The following RHOBTB2 variants were observed in gnomAD, a reference collection of about 807,000 sequenced individuals.
RHOBTB2 encodes Rho related BTB domain containing 2, also known as rho-related BTB domain-containing protein 2.
Under a neutral mutation model 66.5 loss-of-function variants are expected in RHOBTB2, and 39 were observed. The observed-to-expected ratio is 0.59, with a 90% CI of 0.45 to 0.77. The LOEUF (loss-of-function observed/expected upper bound fraction) is 0.77. Among genes scored for constraint, RHOBTB2 ranks in the 30% least tolerant of loss-of-function variants. The pLI is 0.00. For missense variants in RHOBTB2, 755 were observed against 999.1 expected (o/e 0.76, Z 3.29); for synonymous variants, 390 against 395.0 (o/e 0.99, Z 0.15).
chr8:22,966,665 G>A, the RHOBTB2 span, among the ~76,000 whole-genome samples: 1 of 151,866 alleles, frequency 6.6e-6, no homozygotes, highest in Non-Finnish European at 1.5e-5. Context: ...CAACAACAAT[G>A]CTCAATATTA....
chr8:23,010,339 C>A (rs938015321), intron 6 of RHOBTB2, among the ~76,000 whole-genome samples, 199 bp from the exon 7 acceptor site: 1 of 152,162 alleles, frequency 6.6e-6, no homozygotes, highest in Non-Finnish European at 1.5e-5. Flanking sequence ...TGTCAGCAAA[C>A]TGGGGCTCAG....
chr8:23,009,516 G>A (rs1190109370), intron 6 of RHOBTB2, among the ~76,000 whole-genome samples: 1 of 152,164 alleles, frequency 6.6e-6, no homozygotes, highest in East Asian at 1.9e-4. Context: ...AGTTCTGAAC[G>A]TCCACACCGT....
chr8:23,017,209 C>A lies in RHOBTB2; in HGVS notation c.1967-43C>A. The A allele has an allele frequency of 6.2e-7, 1 of 1,609,136 alleles. No homozygotes were observed. The highest frequency in any genetic ancestry group is 8.5e-7 in the Non-Finnish European group (1 of 1,176,852). On this transcript the variant is annotated intron_variant, in intron 9 of 9. Transcript: ENST00000251822. This position sits in a 1 kb window ranked among gnomAD's most constrained non-coding sequence, Gnocchi z 5.3. ...GCTGGTGTCCCACGTTCCTCTTGTC[C>A]CTCTGCCTCCTTTCTAACCAAGCTG...
chr8:23,010,325 G>C (rs533755143), intron 6 of RHOBTB2, among the ~76,000 whole-genome samples: 2 of 152,292 alleles, frequency 1.3e-5, no homozygotes, highest in East Asian at 3.9e-4. Context: ...CTGTACTCTG[G>C]TGCTGTCAGC....
the RHOBTB2 span, among the ~76,000 whole-genome samples, chr8:22,956,470 C>T: frequency 3.3e-5 from 5 of 152,068 alleles, no homozygotes; most frequent in Non-Finnish European, 7.4e-5. Context: ...GCCCCTCCCC[C>T]TCCTCCTCCT....
At chr8:23,014,805 A>G in intron 8 of RHOBTB2, 27 bp downstream of exon 8, 1 of 1,579,696 alleles carries the variant, frequency 6.3e-7, no homozygotes, top group Non-Finnish European at 8.7e-7. Context: ...GGGAATCTAC[A>G]ACAGTCTCAG....
rs1322253573 is a variant in RHOBTB2 at position 23,016,843 on chromosome 8, G to A, written c.1967-409G>A. ...CCAGCCGTTCCTCTGGTCTGCTGCT[G>A]TGTCCTGCTGTGTCCTGACTCCGTA... On this transcript the variant is annotated intron_variant, in intron 9 of 9. Transcript: ENST00000251822. 3.9e-5 allele frequency among the ~76,000 whole-genome samples: 6 copies of A among 152,248 alleles called. No individual in the cohort carries two copies. In the East Asian group the frequency reaches 9.6e-4, roughly 24 times the overall value.
Position 23,007,337 on chromosome 8 carries a change from T to G in RHOBTB2, c.1092T>G (p.Ala364=), listed in dbSNP as rs1385559899. 1 of 1,613,622 alleles carries G rather than the reference T, an allele frequency of 6.2e-7. No individual in the cohort carries two copies. The highest frequency in any genetic ancestry group is 1.3e-5 in the African/African-American group (1 of 75,046). The change falls in exon 5 of 10, where the codon GCT becomes GCG. Residue 364 remains alanine, a synonymous_variant. Coordinates refer to ENST00000251822, the MANE Select transcript of RHOBTB2 (RefSeq NM_015178.3). The part of the protein sequence containing the change: ...AGGSGPAGLR[A]STSDGILRGN... ...GCTCCGGTCCTGCTGGCCTCCGTGC[T>G]TCCACCAGCGACGGGATCTTACGGG...
At position 22,989,267 on chromosome 8, in the gene RHOBTB2, C is replaced by T. The variant is rs527771974; in HGVS notation, c.-137+1704C>T. Among the ~76,000 whole-genome samples, 11 of 152,260 alleles carry T rather than the reference C, an allele frequency of 7.2e-5. No homozygotes were observed. The East Asian group carries it at 9.7e-4, about 13-fold the overall frequency. On this transcript the variant is annotated intron_variant, in intron 1 of 11. Transcript: ENST00000519685. ...GGTTCAAGCAATTCTCCTGCCTCAG[C>T]CTCCCAAGTAGCTGGGATTACAGGT...
chr8:23,004,675 C>T lies in RHOBTB2; in HGVS notation c.192+49C>T, dbSNP rs1810895925. 2 of 1,539,664 alleles carry T rather than the reference C, an allele frequency of 1.3e-6. No individual in the cohort carries two copies. The highest frequency in any genetic ancestry group is 1.2e-5 in the South Asian group (1 of 86,238). Reference sequence around the variant, plus strand: ...TGGGGGTCCACGCCATGAGTCTGGGCTTGGGGGCTTCCTGAGGCATAGCTT... The same window carrying T: ...TGGGGGTCCACGCCATGAGTCTGGGTTTGGGGGCTTCCTGAGGCATAGCTT... On this transcript the variant is annotated intron_variant, in intron 2 of 9. Coordinates refer to ENST00000251822, the MANE Select transcript of RHOBTB2 (RefSeq NM_015178.3). This position sits in a 1 kb window ranked among gnomAD's most constrained non-coding sequence, Gnocchi z 6.4.
At chr8:22,997,057 T>G (rs1810590166), upstream of RHOBTB2, among the ~76,000 whole-genome samples, 1 of 152,060 alleles carries the variant, frequency 6.6e-6, no homozygotes, top group Admixed American at 6.5e-5. Flanking sequence ...GGTCTGCCCC[T>G]CATACAGCGT....
upstream of RHOBTB2, among the ~76,000 whole-genome samples, chr8:22,996,496 G>GGTGTGTGTGT (rs777854716): frequency 5.1e-5 from 5 of 98,816 alleles, no homozygotes; most frequent in Non-Finnish European, 8.1e-5. Context: ...AGAGAGGGCT[G>GGTGTGTGTGT]GTGTGTGTGT....
chr8:23,009,545 A>G (rs1388422415), intron 6 of RHOBTB2, among the ~76,000 whole-genome samples: 1 of 152,138 alleles, frequency 6.6e-6, no homozygotes, highest in Non-Finnish European at 1.5e-5. Context: ...CTGTTCTGTA[A>G]CTGCTTCTGA....
At chr8:22,978,509 A>C in the RHOBTB2 span, among the ~76,000 whole-genome samples, 1 of 150,048 alleles carries the variant, frequency 6.7e-6, no homozygotes, top group Non-Finnish European at 1.5e-5. Context: ...ACAAAAAAAC[A>C]AAAAAAACCC....
Position 23,007,465 on chromosome 8 carries a change from AC to A in RHOBTB2, c.1221del (p.Tyr407Ter). 6.2e-7 allele frequency: 1 copy of A among 1,614,160 alleles called. No homozygotes were observed. Among genetic ancestry groups the A allele is most frequent in the South Asian group, 1.1e-5 (1 of 91,086 alleles). The stretch of plus-strand genomic sequence containing the variant: ...GAGATGGCAGAAGATCCTCTCACCT[AC>A]AAATCCCGGCTGATGGTGGTGGTGA... ...QEEMAEDPLT[Y>X]KSRLMVVVKM... On this transcript the variant is annotated frameshift_variant, in exon 5 of 10. Transcript: ENST00000251822. LOFTEE classifies it high-confidence loss of function.
chr8:22,976,479 G>A, the RHOBTB2 span, among the ~76,000 whole-genome samples: 20 of 152,278 alleles, frequency 1.3e-4, no homozygotes, highest in Admixed American at 3.9e-4. Context: ...CACTTAAGTC[G>A]TCAAGGAATA....
intron 9 of RHOBTB2, among the ~76,000 whole-genome samples, chr8:23,016,020 G>A (rs876435): frequency 0.59 from 89,422 of 152,086 alleles, 26,337 homozygotes; most frequent in African/African-American, 0.62. Context: ...ACAGAATACC[G>A]TAAGAAATAC....
the RHOBTB2 span, among the ~76,000 whole-genome samples, chr8:22,969,878 A>C: frequency 1.3e-5 from 2 of 152,194 alleles, no homozygotes; most frequent in East Asian, 1.9e-4. Context: ...TAATCTCCCA[A>C]GTAGCTGGGA....
the RHOBTB2 span, among the ~76,000 whole-genome samples, chr8:22,972,323 A>G: frequency 6.6e-5 from 10 of 152,350 alleles, no homozygotes; most frequent in African/African-American, 2.4e-4. Flanking sequence ...TTTTATACCA[A>G]TGCAGTCATC....
Sources: gnomAD v4.1 joint callset for allele counts (sites outside exome capture counted in the v4.1 genomes callset) on GRCh38, gnomAD v4.1.1 for gene constraint, Gnocchi (gnomAD v3.1) non-coding constraint, MANE v1.5 for transcripts, NCBI Gene and HGNC (gene_info 2026-07-23, HGNC 2026-07-21) for gene names.